The following MTG1 variants were observed in gnomAD, a reference collection of about 807,000 sequenced individuals.
MTG1 encodes mitochondrial ribosome associated GTPase 1.
A neutral mutation model predicts 39.5 loss-of-function variants in MTG1; 30 were observed. The ratio of observed to expected loss-of-function variants is 0.76; its 90% confidence interval spans 0.57 to 1.03. The LOEUF (loss-of-function observed/expected upper bound fraction) is 1.03. Ranked by LOEUF, MTG1 falls within the 50% of genes least tolerant of loss-of-function variation. The pLI is 0.00. For synonymous variants in MTG1, 217 were observed against 179.0 expected (o/e 1.21, Z -1.69); for missense variants, 513 against 447.4 (o/e 1.15, Z -1.32).
chr10:133,407,911 T>C (rs1294656061), intron 9 of MTG1, among the ~76,000 whole-genome samples: 1 of 152,200 alleles, frequency 6.6e-6, no homozygotes, highest in Non-Finnish European at 1.5e-5. Flanking sequence ...TTTTTTATGT[T>C]GGTTTTGAAT....
intron 9 of MTG1, among the ~76,000 whole-genome samples, chr10:133,404,692 A>G (rs1402653066): frequency 6.6e-6 from 1 of 152,144 alleles, no homozygotes; most frequent in Admixed American, 6.5e-5. Flanking sequence ...ATTTAGGGCT[A>G]TGATCCTTTC....
Position 133,396,273 on chromosome 10 carries a change from G to A in MTG1, c.282+6G>A. 6 of 1,611,576 alleles carry A rather than the reference G, an allele frequency of 3.7e-6. No homozygotes were observed. The highest frequency in any genetic ancestry group is 5.1e-6 in the Non-Finnish European group (6 of 1,177,796). Reference sequence around the variant, plus strand: ...CGGATCTTACAGAGCAGCAGGTAAAGGCCTTTCTCTCAGACGCCTTCAGCA... The same window carrying A: ...CGGATCTTACAGAGCAGCAGGTAAAAGCCTTTCTCTCAGACGCCTTCAGCA... On this transcript the variant is annotated splice_donor_region_variant and intron_variant, in intron 3 of 10. Coordinates refer to ENST00000317502, the MANE Select transcript of MTG1 (RefSeq NM_138384.4).
intron 9 of MTG1, among the ~76,000 whole-genome samples, chr10:133,417,940 C>A (rs1850158135): frequency 6.6e-6 from 1 of 152,166 alleles, no homozygotes; most frequent in Non-Finnish European, 1.5e-5. Context: ...GTGAAAATGG[C>A]CATACTGCCC....
chr10:133,412,676 G>A (rs927835246), intron 9 of MTG1, among the ~76,000 whole-genome samples: 2 of 152,150 alleles, frequency 1.3e-5, no homozygotes, highest in Non-Finnish European at 2.9e-5. Flanking sequence ...TGCAGTATTA[G>A]GTATGGGTGT....
At chr10:133,416,055 G>A (rs1047606359) in intron 9 of MTG1, among the ~76,000 whole-genome samples, 4 of 132,106 alleles carry the variant, frequency 3.0e-5, no homozygotes, top group African/African-American at 8.7e-5. Flanking sequence ...GCAGGCGGGC[G>A]TCAGGCTGCT....
chr10:133,396,511 G>C (rs774306707), intron 3 of MTG1, among the ~76,000 whole-genome samples: 3 of 152,244 alleles, frequency 2.0e-5, no homozygotes, highest in Non-Finnish European at 4.4e-5. Flanking sequence ...AAGTGGCCAG[G>C]TTGTGCTGCC....
rs540070006 is a variant in MTG1 at position 133,416,457 on chromosome 10, G to A, written c.753-3023G>A. 2.0e-5 allele frequency among the ~76,000 whole-genome samples: 3 copies of A among 150,634 alleles called. No homozygotes were observed. In the South Asian group the frequency reaches 6.4e-4, roughly 32 times the overall value. On this transcript the variant is annotated intron_variant, in intron 9 of 10. Coordinates refer to ENST00000317502, the MANE Select transcript of MTG1 (RefSeq NM_138384.4). ...TAGGGTACATGTGCACAATGTGTAG[G>A]TTAGTTACATATGTACACATGTGCC...
Position 133,419,612 on chromosome 10 carries a change from C to G in MTG1, c.865+20C>G, listed in dbSNP as rs746174503. Reference sequence around the variant, plus strand: ...GCACGGGTGAGTGAGGTCGCTGATGCGGGCACCGGAGCCTCACCCCATCAC... The same window carrying G: ...GCACGGGTGAGTGAGGTCGCTGATGGGGGCACCGGAGCCTCACCCCATCAC... On this transcript the variant is annotated intron_variant, in intron 10 of 10. Transcript: ENST00000317502. 15 of 1,566,950 alleles carry G rather than the reference C, an allele frequency of 9.6e-6. No individual in the cohort carries two copies. Among genetic ancestry groups the G allele is most frequent in the South Asian group, 8.1e-5 (7 of 86,132 alleles).
At position 133,421,826 on chromosome 10, in the gene MTG1, G is replaced by A. The variant is rs1850240121; in HGVS notation, c.*1661G>A. The stretch of plus-strand genomic sequence containing the variant: ...GGTGTCCACTGAGTCCCGAGGCTCA[G>A]GCCCAGGAGGGATGCAGTCCGGCTG... On this transcript the variant is annotated 3_prime_UTR_variant, in exon 11 of 11. Transcript: ENST00000317502. The A allele has an allele frequency of 6.6e-6, 1 of 152,424 alleles. No homozygotes were observed. Among genetic ancestry groups the A allele is most frequent in the Non-Finnish European group, 1.5e-5 (1 of 68,244 alleles). The allele number at this position is 152,424 out of a possible 1,614,324, so 9.4% of individuals were successfully genotyped here. A position where few individuals can be genotyped will look rare whatever the true frequency, so the allele number is the denominator to read the frequency against.
chr10:133,415,119 C>A (rs1383288161), intron 9 of MTG1, among the ~76,000 whole-genome samples: 3 of 152,042 alleles, frequency 2.0e-5, no homozygotes, highest in Admixed American at 6.6e-5. Flanking sequence ...GGCGGCAGTA[C>A]AGTCCAGCTT....
At chr10:133,401,280 C>G in intron 6 of MTG1, 1 of 411,292 alleles carries the variant, frequency 2.4e-6, no homozygotes, top group Non-Finnish European at 4.3e-6. Flanking sequence ...GGAAAGTGCC[C>G]TTGCTGTGAG....
chr10:133,412,550 G>A (rs1451905073), intron 9 of MTG1, among the ~76,000 whole-genome samples: 1 of 151,970 alleles, frequency 6.6e-6, no homozygotes, highest in Non-Finnish European at 1.5e-5. Flanking sequence ...TTATTGCACT[G>A]GCTACAGTCT....
At chr10:133,394,523 C>T in intron 1 of MTG1, 191 bp downstream of exon 1, 1 of 1,344,470 alleles carries the variant, frequency 7.4e-7, no homozygotes, top group South Asian at 1.8e-5. Flanking sequence ...CCCTGCGCAG[C>T]TGCGGGAGAG....
rs752374910 is a variant in MTG1 at position 133,396,193 on chromosome 10, C to G, written c.208C>G (p.Gln70Glu). Residue 70 changes from glutamine (Q) to glutamate (E), a missense_variant, in exon 3 of 11, where the codon CAG (glutamine) becomes GAG (glutamate). Physicochemically the swap from Gln to Glu is conservative, Grantham distance 29. Coordinates refer to ENST00000317502, the MANE Select transcript of MTG1 (RefSeq NM_138384.4). ...IPLSGRNPLFQETLGLKPHLL... is the reference protein window; with the variant it reads ...IPLSGRNPLFEETLGLKPHLL... ...ACTTTCAGGCCGCAACCCTCTGTTT[C>G]AGGAAACCCTTGGGCTTAAGCCTCA... is the stretch of plus-strand genomic sequence containing the variant. The G allele has an allele frequency of 1.9e-6, 3 of 1,614,190 alleles. No individual in the cohort carries two copies. The highest frequency in any genetic ancestry group is 2.7e-5 in the African/African-American group (2 of 75,062).
intron 2 of MTG1, 135 bp from the exon 3 acceptor site, chr10:133,396,028 T>A: frequency 1.1e-6 from 1 of 891,434 alleles, no homozygotes. Flanking sequence ...TGTTTAAATG[T>A]TCCTGCCAAC....
At position 133,421,105 on chromosome 10, in the gene MTG1, C is replaced by G. The variant is rs542012913; in HGVS notation, c.*940C>G. On this transcript the variant is annotated 3_prime_UTR_variant, in exon 11 of 11. Transcript: ENST00000317502. ...TGCCTCTTTGCGGTGGTGGCCTGAC[C>G]GTCCCACAGCAGCCTCCACCAGGGC... 595 of 152,540 alleles carry G rather than the reference C, an allele frequency of 3.9e-3. 3 individuals carry two copies. The highest frequency in any genetic ancestry group is 0.019 in the South Asian group (93 of 4,824). The allele number at this position is 152,540 out of a possible 1,614,324, so 9.4% of individuals were successfully genotyped here.
At chr10:133,415,806 C>G (rs1476564662) in intron 9 of MTG1, among the ~76,000 whole-genome samples, 2 of 152,180 alleles carry the variant, frequency 1.3e-5, no homozygotes, top group African/African-American at 2.4e-5. Context: ...TTCTGTCCCT[C>G]TACTCCTCAG....
At chr10:133,412,090 G>C (rs922184381) in intron 9 of MTG1, among the ~76,000 whole-genome samples, 1 of 151,960 alleles carries the variant, frequency 6.6e-6, no homozygotes, top group African/African-American at 2.4e-5. Context: ...TGTTTGCTTA[G>C]AGGTTTTTTG....
At chr10:133,398,344 G>C in intron 3 of MTG1, 91 bp from the exon 4 acceptor site, 1 of 1,277,484 alleles carries the variant, frequency 7.8e-7, no homozygotes, top group Admixed American at 2.1e-5. Flanking sequence ...AGGTTGCAGG[G>C]AGCCGAGATT....
Sources: gnomAD v4.1 joint callset for allele counts (sites outside exome capture counted in the v4.1 genomes callset) on GRCh38, gnomAD v4.1.1 for gene constraint, MANE v1.5 for transcripts, NCBI Gene and HGNC (gene_info 2026-07-23, HGNC 2026-07-21) for gene names.